The following TDRD5 variants were observed in gnomAD, a reference collection of about 807,000 sequenced individuals.
TDRD5 encodes the protein tudor domain-containing protein 5.
TDRD5 carries 41 observed loss-of-function variants against 120.6 expected under a neutral mutation model. The ratio of observed to expected loss-of-function variants is 0.34; its 90% CI spans 0.26 to 0.44. TDRD5 has a LOEUF of 0.44. Among genes scored for constraint, TDRD5 ranks in the 20% least tolerant of loss-of-function variants. The pLI is 1.00. For missense variants in TDRD5, 1,006 were observed against 1,221.2 expected (o/e 0.82, Z 2.63); for synonymous variants, 430 against 433.7 (o/e 0.99, Z 0.11).
chr1:179,652,556 T>C (rs927727172), intron 13 of TDRD5, among the ~76,000 whole-genome samples: 1 of 152,178 alleles, frequency 6.6e-6, no homozygotes, highest in Admixed American at 6.5e-5. Context: ...AATAATATTG[T>C]AATGTTATTA....
intron 8 of TDRD5, among the ~76,000 whole-genome samples, 160 bp downstream of exon 8, chr1:179,634,789 A>G (rs1677676108): frequency 6.6e-6 from 1 of 152,222 alleles, no homozygotes; most frequent in Non-Finnish European, 1.5e-5. Context: ...GTCATATAGC[A>G]TTCTTTCTGG....
intron 11 of TDRD5, among the ~76,000 whole-genome samples, chr1:179,644,876 C>A (rs1678254588): frequency 6.6e-6 from 1 of 151,448 alleles, no homozygotes; most frequent in Non-Finnish European, 1.5e-5. Context: ...ATTCTACTTT[C>A]TTTGGGTTTA....
At chr1:179,615,674 C>A (rs1269348187) in intron 4 of TDRD5, among the ~76,000 whole-genome samples, 1 of 152,080 alleles carries the variant, frequency 6.6e-6, no homozygotes, top group Non-Finnish European at 1.5e-5. Flanking sequence ...TAACTTCTGC[C>A]CTCTATAATT....
chr1:179,592,781 C>G lies in TDRD5; in HGVS notation c.166C>G (p.Leu56Val), dbSNP rs199604826. ...CCTTGGGTATCGGTCCACTATGGAG[C>G]TGGTATTGGACATGCCTGATGTTGT... ...RILGYRSTMELVLDMPDVVRV... is the reference protein window; with the variant it reads ...RILGYRSTMEVVLDMPDVVRV... The change falls in exon 2 of 18, where the codon CTG becomes GTG. Residue 56 changes from leucine to valine, a missense_variant. This residue lies in a region of TDRD5 where 445 missense variants were observed against 515.5 expected (regional missense o/e 0.86). Transcript: ENST00000444136. 218 of 1,614,046 alleles carry G rather than the reference C, an allele frequency of 1.4e-4. No homozygotes were observed. The highest frequency in any genetic ancestry group is 8.3e-5 in the Admixed American group (5 of 60,008).
rs1572426526 is a variant in TDRD5, at chr1:179,671,031, G to A, written c.2860+1627G>A. Among the ~76,000 whole-genome samples, 3 of 152,244 alleles carry A rather than the reference G, an allele frequency of 2.0e-5. No individual in the cohort carries two copies. The East Asian group carries it at 5.8e-4, about 29-fold the overall frequency. ...CAATTCAAGTTAATATTTGTATAGG[G>A]TATGATGTGAGGATCAATGTTTATT... On this transcript the variant is annotated intron_variant, in intron 17 of 17. Coordinates refer to ENST00000444136, the MANE Select transcript of TDRD5 (RefSeq NM_001199085.3).
intron 16 of TDRD5, among the ~76,000 whole-genome samples, chr1:179,665,323 C>T (rs1168268397): frequency 1.3e-5 from 2 of 151,984 alleles, no homozygotes; most frequent in Non-Finnish European, 2.9e-5. Flanking sequence ...ATTGTCTGAC[C>T]AAAAGTTACA....
chr1:179,684,095 C>T (rs529886863), intron 17 of TDRD5, among the ~76,000 whole-genome samples: 14 of 152,152 alleles, frequency 9.2e-5, no homozygotes, highest in Admixed American at 4.6e-4. Flanking sequence ...ATGTGCACAG[C>T]GTGCAGGTTT....
At chr1:179,668,185 T>C (rs1439406973) in intron 16 of TDRD5, among the ~76,000 whole-genome samples, 1 of 152,204 alleles carries the variant, frequency 6.6e-6, no homozygotes, top group African/African-American at 2.4e-5. Context: ...CTCCCTTCAT[T>C]TAAGCTCAAG....
chr1:179,669,578 C>T (rs1316248940), intron 17 of TDRD5, among the ~76,000 whole-genome samples, 174 bp downstream of exon 17: 1 of 152,192 alleles, frequency 6.6e-6, no homozygotes, highest in African/African-American at 2.4e-5. Flanking sequence ...TTTAACTTTG[C>T]CACTCTTCTT....
At chr1:179,644,916 G>A (rs1245588152) in intron 11 of TDRD5, among the ~76,000 whole-genome samples, 1 of 151,672 alleles carries the variant, frequency 6.6e-6, no homozygotes, top group African/African-American at 2.4e-5. Flanking sequence ...ACTTCTTGAT[G>A]TGCAAGCTTA....
chr1:179,650,272 G>A (rs542890559), intron 11 of TDRD5, among the ~76,000 whole-genome samples: 3 of 151,970 alleles, frequency 2.0e-5, no homozygotes, highest in African/African-American at 4.8e-5. Flanking sequence ...GTAGTGGCAC[G>A]CACCTGTAAT....
intron 17 of TDRD5, among the ~76,000 whole-genome samples, chr1:179,689,214 T>G (rs1303761656): frequency 6.6e-6 from 1 of 152,152 alleles, no homozygotes; most frequent in African/African-American, 2.4e-5. Context: ...ATGATGGTGA[T>G]GTACAGATGG....
chr1:179,663,595 T>TCAG, intron 16 of TDRD5, 104 bp downstream of exon 16: 1 of 1,403,188 alleles, frequency 7.1e-7, no homozygotes, highest in Non-Finnish European at 9.4e-7. Flanking sequence ...ATTGCCTGTC[T>TCAG]CTTAACAGCT....
intron 12 of TDRD5, among the ~76,000 whole-genome samples, 173 bp from the exon 13 acceptor site, chr1:179,651,866 T>C (rs933604627): frequency 1.3e-5 from 2 of 152,132 alleles, no homozygotes; most frequent in African/African-American, 2.4e-5. Flanking sequence ...TGAGCCGAGA[T>C]TGGACCACTG....
chr1:179,654,383 C>T, intron 14 of TDRD5, 21 bp downstream of exon 14: 1 of 1,513,428 alleles, frequency 6.6e-7, no homozygotes, highest in South Asian at 1.3e-5. Context: ...GAAAGATAGT[C>T]TTTGAATATG....
intron 17 of TDRD5, among the ~76,000 whole-genome samples, chr1:179,675,745 A>G (rs1249748181): frequency 1.3e-5 from 2 of 152,076 alleles, no homozygotes; most frequent in East Asian, 1.9e-4. Flanking sequence ...TATAACTTCA[A>G]TTTCCTTAAA....
intron 16 of TDRD5, among the ~76,000 whole-genome samples, chr1:179,663,885 T>G (rs1679437924): frequency 6.6e-6 from 1 of 152,176 alleles, no homozygotes; most frequent in Non-Finnish European, 1.5e-5. Flanking sequence ...AAGCTCTATA[T>G]TTGTCGCATA....
Position 179,593,494 on chromosome 1 carries a change from C to G in TDRD5, c.267C>G (p.Ser89Arg). Residue 89 changes from serine (S) to arginine (R), a missense_variant, in exon 3 of 18, where the codon AGC (serine) becomes AGG (arginine). Ser to Arg is a moderately radical substitution (Grantham distance 110, BLOSUM62 -1). Around this residue, in one of 3 missense-constraint regions of TDRD5, gnomAD observed 445 missense variants for 515.5 expected, o/e 0.86. Coordinates refer to ENST00000444136, the MANE Select transcript of TDRD5 (RefSeq NM_001199085.3). ...IPDESTKGIA[S>R]LVAKQRSSHK... Reference sequence around the variant, plus strand: ...ATGAATCTACCAAAGGAATAGCAAGCTTAGTTGCAAAACAGAGGAGCAGCC... The same window carrying G: ...ATGAATCTACCAAAGGAATAGCAAGGTTAGTTGCAAAACAGAGGAGCAGCC... The G allele has an allele frequency of 6.2e-7, 1 of 1,613,804 alleles. No individual in the cohort carries two copies. The highest frequency in any genetic ancestry group is 8.5e-7 in the Non-Finnish European group (1 of 1,179,700).
In TDRD5 at chr1:179,635,808, A is replaced by G. The variant is rs1677734914; in HGVS notation, c.1441A>G (p.Ile481Val). The change falls in exon 9 of 18, where the codon ATC becomes GTC. Residue 481 changes from isoleucine to valine, a missense_variant. This residue lies in a region of TDRD5 where 158 missense variants were observed against 257.5 expected (regional missense o/e 0.61). Transcript: ENST00000444136. ...SLIGVFVEYI[I>V]SPSQFYIRIY... The stretch of plus-strand genomic sequence containing the variant: ...CATAGGGGTCTTTGTGGAGTATATC[A>G]TCTCTCCTAGTCAATTCTACATCCG... 1 of 1,613,994 alleles carries G rather than the reference A, an allele frequency of 6.2e-7. No individual in the cohort carries two copies. Among genetic ancestry groups the G allele is most frequent in the South Asian group, 1.1e-5 (1 of 91,086 alleles).
Sources: gnomAD v4.1 joint callset for allele counts (sites outside exome capture counted in the v4.1 genomes callset) on GRCh38, gnomAD v4.1.1 for gene constraint, gnomAD v4.1.1 regional missense constraint, MANE v1.5 for transcripts, NCBI Gene and HGNC (gene_info 2026-07-23, HGNC 2026-07-21) for gene names.